SSBP2: variants seen among roughly 807,000 people sequenced by gnomAD.
SSBP2 encodes the protein single-stranded DNA-binding protein 2.
SSBP2 carries 17 observed loss-of-function variants against 61.8 expected under a neutral mutation model. The observed-to-expected ratio is 0.28, with a 90% confidence interval of 0.19 to 0.41. The LOEUF is 0.41. SSBP2 is among the 10% of genes least tolerant of loss of function. The pLI is 1.00. For synonymous variants in SSBP2, 139 were observed against 141.3 expected, an observed-to-expected ratio of 0.98 and a Z score of 0.12; for missense variants, 310 against 458.7, an observed-to-expected ratio of 0.68 and a Z score of 2.96.
chr5:81,610,437 T>C (rs1745331008), intron 4 of SSBP2, among the ~76,000 whole-genome samples: 2 of 152,210 alleles, frequency 1.3e-5, no homozygotes, highest in South Asian at 4.1e-4. Flanking sequence ...AACCTTTAAA[T>C]CCACCTTGAA....
intron 4 of SSBP2, among the ~76,000 whole-genome samples, chr5:81,568,601 T>G (rs1404542157): frequency 2.0e-5 from 3 of 152,250 alleles, no homozygotes; most frequent in Admixed American, 2.0e-4. Context: ...AAACATATGC[T>G]GTTATTCAGA....
At chr5:81,637,072 C>T (rs925201880) in intron 2 of SSBP2, among the ~76,000 whole-genome samples, 2 of 152,204 alleles carry the variant, frequency 1.3e-5, no homozygotes, top group Non-Finnish European at 2.9e-5. Flanking sequence ...AGCAGCAGTT[C>T]ATCCAGTGAT....
chr5:81,619,722 G>C (rs1305473820), intron 3 of SSBP2, among the ~76,000 whole-genome samples: 1 of 49,884 alleles, frequency 2.0e-5, no homozygotes, highest in South Asian at 1.1e-3. Flanking sequence ...CTGGCAAACC[G>C]AATCCAGCAG....
chr5:81,734,675 A>G (rs1157945522), intron 1 of SSBP2, among the ~76,000 whole-genome samples: 1 of 152,196 alleles, frequency 6.6e-6, no homozygotes, highest in Non-Finnish European at 1.5e-5. Flanking sequence ...CAGTTCCCGA[A>G]AGAAAAATCA....
At chr5:81,654,871 T>C (rs944088347) in intron 1 of SSBP2, among the ~76,000 whole-genome samples, 1 of 152,120 alleles carries the variant, frequency 6.6e-6, no homozygotes, top group African/African-American at 2.4e-5. Context: ...TAGTGGCTCA[T>C]GCCTGGGAGT....
At chr5:81,561,899 C>A (rs528859969) in intron 4 of SSBP2, among the ~76,000 whole-genome samples, 3 of 152,068 alleles carry the variant, frequency 2.0e-5, no homozygotes, top group African/African-American at 7.2e-5. Context: ...AATGTTAAGA[C>A]CCTTTTTATT....
intron 1 of SSBP2, among the ~76,000 whole-genome samples, chr5:81,684,616 T>G (rs1444452771): frequency 1.3e-5 from 2 of 152,194 alleles, no homozygotes; most frequent in African/African-American, 4.8e-5. Flanking sequence ...TACTGGGTTT[T>G]ATACATGCAT....
intron 10 of SSBP2, among the ~76,000 whole-genome samples, chr5:81,458,712 A>G (rs1171309068): frequency 6.6e-6 from 1 of 152,232 alleles, no homozygotes; most frequent in African/African-American, 2.4e-5. Context: ...GAAACTTGGA[A>G]TTCAACATAA....
intron 4 of SSBP2, among the ~76,000 whole-genome samples, chr5:81,582,742 C>T (rs1319252220): frequency 1.3e-5 from 2 of 152,064 alleles, no homozygotes; most frequent in African/African-American, 2.4e-5. Flanking sequence ...TACAGGCGTG[C>T]ACCACCATGC....
chr5:81,684,701 G>C (rs921239863), intron 1 of SSBP2, among the ~76,000 whole-genome samples: 1 of 152,100 alleles, frequency 6.6e-6, no homozygotes, highest in South Asian at 2.1e-4. Context: ...CTTGTACCCC[G>C]ACTGCATCTT....
chr5:81,474,512 A>G lies in SSBP2; in HGVS notation c.483T>C (p.Asp161=). 6.2e-7 allele frequency: 1 copy of G among 1,612,420 alleles called. No homozygotes were observed. Among genetic ancestry groups the G allele is most frequent in the Non-Finnish European group, 8.5e-7 (1 of 1,178,978 alleles). Residue 161 remains aspartate (D), a synonymous_variant, in exon 7 of 17, where the codon GAT becomes GAC. Transcript: ENST00000320672. ...AGTAGTCACCTTGTTGTCGAGTTGG[A>G]TCCATTCCACTGGGGAGTAATGGCT...
rs569943187 is a variant in SSBP2, at chr5:81,559,644, T to C, written c.283-45927A>G. Among the ~76,000 whole-genome samples the C allele has an allele frequency of 6.2e-4, 95 of 152,218 alleles. 1 individual carries two copies. The South Asian group carries it at 8.5e-3, about 14-fold the overall frequency. ...TTAAATTATGTGAGTTATTGAACTT[T>C]ATAATTAATTTGCCTTCTTATAAAA... On this transcript the variant is annotated intron_variant, in intron 4 of 16. Transcript: ENST00000320672.
At chr5:81,637,247 C>A (rs1444963742) in intron 2 of SSBP2, among the ~76,000 whole-genome samples, 2 of 152,212 alleles carry the variant, frequency 1.3e-5, no homozygotes, top group African/African-American at 4.8e-5. Flanking sequence ...ACTCCCTCTC[C>A]TTAGAGGTCT....
At chr5:81,570,474 A>G (rs1487106541) in intron 4 of SSBP2, among the ~76,000 whole-genome samples, 2 of 152,208 alleles carry the variant, frequency 1.3e-5, no homozygotes, top group South Asian at 2.1e-4. Context: ...AATCATAAAT[A>G]TATAACAAGA....
intron 6 of SSBP2, among the ~76,000 whole-genome samples, chr5:81,478,515 A>AT (rs1420289679): frequency 6.6e-6 from 1 of 151,724 alleles, no homozygotes; most frequent in Non-Finnish European, 1.5e-5. Flanking sequence ...TAATTTTTGT[A>AT]TTTTTAGTAG....
intron 5 of SSBP2, among the ~76,000 whole-genome samples, chr5:81,506,754 G>C (rs1768211777): frequency 6.6e-6 from 1 of 151,978 alleles, no homozygotes. Context: ...TAGATACTAA[G>C]GTATCTTCAA....
chr5:81,445,892 G>A (rs879475412), intron 12 of SSBP2, among the ~76,000 whole-genome samples: 7 of 151,960 alleles, frequency 4.6e-5, no homozygotes, highest in Non-Finnish European at 7.4e-5. Context: ...TTTGTGTTAC[G>A]GTTTCAAATG....
chr5:81,677,173 G>T (rs1261020135), intron 1 of SSBP2, among the ~76,000 whole-genome samples: 1 of 152,038 alleles, frequency 6.6e-6, no homozygotes, highest in East Asian at 1.9e-4. Flanking sequence ...AAACTAATGT[G>T]CCCCAAAGCA....
In SSBP2 at chr5:81,628,852, T is replaced by C. The variant is rs150010073; in HGVS notation, c.197+7705A>G. ...TCCATTCTGAGGCCTTTGCCTCTCA[T>C]CTCGCTGGCACTTTGTTCTGCTTAT... On this transcript the variant is annotated intron_variant, in intron 3 of 16. Transcript: ENST00000320672. 5.9e-5 allele frequency among the ~76,000 whole-genome samples: 9 copies of C among 152,334 alleles called. No homozygotes were observed. The East Asian group carries it at 1.7e-3, about 29-fold the overall frequency.
Sources: gnomAD v4.1 joint callset for allele counts (sites outside exome capture counted in the v4.1 genomes callset) on GRCh38, gnomAD v4.1.1 for gene constraint, MANE v1.5 for transcripts, NCBI Gene and HGNC (gene_info 2026-07-23, HGNC 2026-07-21) for gene names.